Variants in NEB observed in about 807,000 individuals in gnomAD.
NEB encodes nemaline myopathy type 2.
NEB carries 512 observed loss-of-function variants against 952.2 expected under a neutral mutation model. That is an observed-to-expected ratio of 0.54 (90% CI 0.50 to 0.58). The LOEUF is 0.58. Among genes scored for constraint, NEB ranks in the 20% least tolerant of loss-of-function variants. The pLI is 0.00. For missense variants in NEB, 8,428 were observed against 9,231.1 expected (o/e 0.91, Z 3.56); for synonymous variants, 2,900 against 3,149.8 (o/e 0.92, Z 2.66).
intron 13 of NEB, among the ~76,000 whole-genome samples, chr2:151,699,022 C>T (rs1460950694): frequency 1.5e-5 from 2 of 130,948 alleles, no homozygotes; most frequent in African/African-American, 2.8e-5. Context: ...CTCCCCCCTC[C>T]CCACCACAGT....
In NEB at chr2:151,733,145, G is replaced by T; in HGVS notation, c.12C>A (p.Asp4Glu). The T allele has an allele frequency of 6.2e-7, 1 of 1,603,892 alleles. No homozygotes were observed. Among genetic ancestry groups the T allele is most frequent in the Non-Finnish European group, 8.5e-7 (1 of 1,175,796 alleles). The stretch of plus-strand genomic sequence containing the variant: ...CCTCCACCACCTCCTCATAGTCTTC[G>T]TCATCTGCCATTTTTCCAGAGTAGT... MAD[D>E]EDYEEVVEYY... is the part of the protein sequence containing the mutation. Residue 4 changes from aspartate to glutamate, a missense_variant, in exon 3 of 182, where the codon GAC becomes GAA. Coordinates refer to ENST00000397345, the MANE Select transcript of NEB (RefSeq NM_001164508.2).
At position 151,643,062 on chromosome 2, in the gene NEB, A is replaced by G. The variant is rs893276980; in HGVS notation, c.8160+88T>C. On this transcript the variant is annotated intron_variant, in intron 58 of 181. Transcript: ENST00000397345. ...ACATTAGTACCAAGCAAAGGAATCA[A>G]AAACAAGTTTTCTTTTATACAAACA... is the stretch of plus-strand genomic sequence containing the variant. The G allele has an allele frequency of 5.3e-5, 74 of 1,408,474 alleles. 2 individuals carry two copies. In the South Asian group the frequency reaches 5.9e-4, roughly 11 times the overall value. The allele number at this position is 1,408,474 out of a possible 1,614,324, so 87.2% of individuals were successfully genotyped here. A position where few individuals can be genotyped will look rare whatever the true frequency, so the allele number is the denominator to read the frequency against.
At chr2:151,698,777 A>G (rs1189520637) in intron 13 of NEB, among the ~76,000 whole-genome samples, 1 of 151,482 alleles carries the variant, frequency 6.6e-6, no homozygotes, top group African/African-American at 2.4e-5. Flanking sequence ...AGCTGGGACT[A>G]CAGGTGCCTG....
At chr2:151,515,176 T>G (rs1308553188) in intron 157 of NEB, among the ~76,000 whole-genome samples, 1 of 152,188 alleles carries the variant, frequency 6.6e-6, no homozygotes, top group Non-Finnish European at 1.5e-5. Flanking sequence ...ATGTTGTGAC[T>G]GGGGCAGGCC....
chr2:151,671,527 G>T (rs2099291938), intron 37 of NEB: 2 of 315,240 alleles, frequency 6.3e-6, no homozygotes, highest in East Asian at 6.2e-5. Flanking sequence ...TTATCTTAAA[G>T]CATTTTTTTT....
At chr2:151,701,206 G>A (rs2099660607) in intron 13 of NEB, among the ~76,000 whole-genome samples, 1 of 131,296 alleles carries the variant, frequency 7.6e-6, no homozygotes. Context: ...TGCATCCCAG[G>A]GATGAAGCCC....
In NEB at chr2:151,529,125, G is replaced by T. The variant is rs2088748422; in HGVS notation, c.21735+85C>A. 9 of 869,616 alleles carry T rather than the reference G, an allele frequency of 1.0e-5. No homozygotes were observed. The East Asian group carries it at 1.5e-4, about 14-fold the overall frequency. The allele number at this position is 869,616 out of a possible 1,614,324, so 53.9% of individuals were successfully genotyped here. A position where few individuals can be genotyped will look rare whatever the true frequency, so the allele number is the denominator to read the frequency against. On this transcript the variant is annotated intron_variant, in intron 146 of 181. Coordinates refer to ENST00000397345, the MANE Select transcript of NEB (RefSeq NM_001164508.2). ...TGGAATCAATCACTAGAGCTGAATT[G>T]CCTGAAGAGATGTAAAAAGAGGCCA...
At position 151,627,035 on chromosome 2, in the gene NEB, C is replaced by G; in HGVS notation, c.10314G>C (p.Val3438=). The G allele has an allele frequency of 6.2e-7, 1 of 1,613,952 alleles. No homozygotes were observed. The highest frequency in any genetic ancestry group is 8.5e-7 in the Non-Finnish European group (1 of 1,179,860). Residue 3438 remains valine (V), a synonymous_variant, in exon 70 of 182, where the codon GTG becomes GTC. Transcript: ENST00000397345. ...FTSVTDSLEQ[V]LAKNNALNMN... ...TATTGAGAGCATTGTTCTTGGCCAG[C>G]ACCTGCTCTAGAGAGTCAGTCACAC...
At chr2:151,509,840 C>T (rs904984420) in intron 161 of NEB, among the ~76,000 whole-genome samples, 2 of 152,154 alleles carry the variant, frequency 1.3e-5, no homozygotes, top group African/African-American at 4.8e-5. Context: ...AATCTCCTGA[C>T]CTCATGATCC....
chr2:151,640,317 T>C, intron 61 of NEB, 38 bp downstream of exon 61: 1 of 1,597,920 alleles, frequency 6.3e-7, no homozygotes, highest in Non-Finnish European at 8.6e-7. Context: ...TTAAATAATT[T>C]CCCACCTCTG....
chr2:151,492,229 A>G lies in NEB; in HGVS notation c.24926T>C (p.Val8309Ala). 2 of 1,613,940 alleles carry G rather than the reference A, an allele frequency of 1.2e-6. No homozygotes were observed. The highest frequency in any genetic ancestry group is 1.7e-4 in the Middle Eastern group (1 of 6,060). ...TACTCGTTCAGTGATAGGATCTGTC[A>G]CCACTGGTGTGAAGCAACCCTTGTG... ...EKHKGCFTPVVTDPITERVKK... is the reference protein window; with the variant it reads ...EKHKGCFTPVATDPITERVKK... The change falls in exon 178 of 182, where the codon GTG becomes GCG. Residue 8309 changes from valine (V) to alanine (A), a missense_variant. Physicochemically the swap from Val to Ala is moderately conservative, Grantham distance 64. Transcript: ENST00000397345.
At chr2:151,538,713 A>G (rs1357875845) in intron 138 of NEB, among the ~76,000 whole-genome samples, 1 of 152,136 alleles carries the variant, frequency 6.6e-6, no homozygotes, top group Non-Finnish European at 1.5e-5. Flanking sequence ...AAAGGGAAAA[A>G]GGTTTAGCTT....
chr2:151,507,528 G>A (rs1350506279), intron 162 of NEB, among the ~76,000 whole-genome samples: 2 of 152,196 alleles, frequency 1.3e-5, no homozygotes, highest in African/African-American at 4.8e-5. Context: ...AAGACACAGA[G>A]ATACTAGGAG....
chr2:151,528,920 C>A (rs2088518280), intron 146 of NEB, among the ~76,000 whole-genome samples: 1 of 152,190 alleles, frequency 6.6e-6, no homozygotes, highest in African/African-American at 2.4e-5. Flanking sequence ...AAAAATGCAA[C>A]CTACATTTCA....
chr2:151,519,367 C>G (rs1386000288), intron 154 of NEB, among the ~76,000 whole-genome samples: 1 of 152,100 alleles, frequency 6.6e-6, no homozygotes, highest in African/African-American at 2.4e-5. Context: ...GTAAAATAAG[C>G]CAGACACCAA....
chr2:151,690,383 T>C, intron 24 of NEB: 1 of 202,482 alleles, frequency 4.9e-6, no homozygotes, highest in Non-Finnish European at 1.0e-5. Flanking sequence ...GAATCGGAAA[T>C]ATTTGCCTTG....
At position 151,518,368 on chromosome 2, in the gene NEB, C is replaced by A; in HGVS notation, c.22750G>T (p.Asp7584Tyr). The A allele has an allele frequency of 6.2e-7, 1 of 1,612,562 alleles. No homozygotes were observed. Among genetic ancestry groups the A allele is most frequent in the Non-Finnish European group, 8.5e-7 (1 of 1,178,704 alleles). The change falls in exon 156 of 182, where the codon GAT (aspartate) becomes TAT (tyrosine). Residue 7584 changes from aspartate to tyrosine, a missense_variant. Coordinates refer to ENST00000397345, the MANE Select transcript of NEB (RefSeq NM_001164508.2). Reference sequence around the variant, plus strand: ...TTTAGGTGAAGCTGCTCCAGATTATCGGGTATGGTGTGGTAGTGGCCTTTA... The same window carrying A: ...TTTAGGTGAAGCTGCTCCAGATTATAGGGTATGGTGTGGTAGTGGCCTTTA... ...KSKGHYHTIPDNLEQLHLKEA... is the reference protein window; with the variant it reads ...KSKGHYHTIPYNLEQLHLKEA...
At chr2:151,497,076 A>ATT in intron 171 of NEB, 43 bp from the exon 172 acceptor site, 1 of 1,538,676 alleles carries the variant, frequency 6.5e-7, no homozygotes, top group Non-Finnish European at 8.8e-7. Context: ...CATGAGTAAC[A>ATT]TTTCATTTGT....
chr2:151,548,396 T>C lies in NEB; in HGVS notation c.20069A>G (p.Tyr6690Cys), dbSNP rs372772045. The C allele has an allele frequency of 6.2e-7, 1 of 1,613,268 alleles. No homozygotes were observed. Among genetic ancestry groups the C allele is most frequent in the African/African-American group, 1.3e-5 (1 of 74,930 alleles). ...ATACCCATATGCCTTGGTGTGTTCATAGGCTTCTTTGTACTTGAACTGCAA... is the reference window on the plus strand; with the variant it reads ...ATACCCATATGCCTTGGTGTGTTCACAGGCTTCTTTGTACTTGAACTGCAA... The part of the protein sequence containing the change: ...MSSYFKYKEA[Y>C]EHTKAYGYTL... The change falls in exon 131 of 182, where the codon TAT becomes TGT. Residue 6690 changes from tyrosine to cysteine, a missense_variant. Transcript: ENST00000397345.
Sources: allele counts gnomAD v4.1 joint callset (sites outside exome capture counted in the v4.1 genomes callset), GRCh38; gene constraint gnomAD v4.1.1; transcripts MANE v1.5; gene names NCBI Gene and HGNC (gene_info 2026-07-23, HGNC 2026-07-21).